The following CDH8 variants were observed in gnomAD, a reference collection of about 807,000 sequenced individuals.
The protein encoded by CDH8 is cadherin 8, also known as cadherin-8.
Under a neutral mutation model 68.1 loss-of-function variants are expected in CDH8, and 17 were observed. The ratio of observed to expected loss-of-function variants is 0.25; its 90% CI spans 0.17 to 0.37. The LOEUF is 0.37. CDH8 is among the 10% of genes least tolerant of loss of function. The pLI, the probability that CDH8 is intolerant of heterozygous loss-of-function variation, is 1.00. For missense variants in CDH8, 763 were observed against 999.3 expected (o/e 0.76, Z 3.19); for synonymous variants, 372 against 365.1 (o/e 1.02, Z -0.21).
intron 10 of CDH8, among the ~76,000 whole-genome samples, chr16:61,659,113 C>G (rs1407760461): frequency 2.6e-5 from 4 of 152,132 alleles, no homozygotes; most frequent in Non-Finnish European, 5.9e-5. Flanking sequence ...AAAAGCGAAT[C>G]TTATTAGAGA....
At chr16:61,659,899 G>A (rs565600417) in intron 10 of CDH8, among the ~76,000 whole-genome samples, 2 of 152,262 alleles carry the variant, frequency 1.3e-5, no homozygotes, top group Admixed American at 1.3e-4. Flanking sequence ...GAATGGACTG[G>A]TCTGTAGAGT....
chr16:61,780,986 G>A (rs1961036301), intron 8 of CDH8, among the ~76,000 whole-genome samples: 1 of 152,170 alleles, frequency 6.6e-6, no homozygotes, highest in Admixed American at 6.5e-5. Context: ...AACAAAGACA[G>A]ATTTTTAAGT....
At chr16:61,831,288 A>G (rs1461064173) in intron 4 of CDH8, among the ~76,000 whole-genome samples, 1 of 151,818 alleles carries the variant, frequency 6.6e-6, no homozygotes, top group African/African-American at 2.4e-5. Flanking sequence ...GGAGTAGAAG[A>G]TTAAGGGGTG....
At chr16:61,782,284 A>G (rs1316358404) in intron 8 of CDH8, among the ~76,000 whole-genome samples, 1 of 152,188 alleles carries the variant, frequency 6.6e-6, no homozygotes, top group African/African-American at 2.4e-5. Context: ...TGGGAAGCAC[A>G]AGGGGTCAGG....
chr16:61,960,065 A>ATGTG (rs1965082195), intron 2 of CDH8, among the ~76,000 whole-genome samples: 20 of 102,870 alleles, frequency 1.9e-4, no homozygotes, highest in African/African-American at 7.2e-4. Context: ...GTGTGTGTGT[A>ATGTG]TACACATACA....
intron 1 of CDH8, among the ~76,000 whole-genome samples, chr16:62,024,870 C>G (rs976770081): frequency 2.6e-5 from 4 of 152,166 alleles, no homozygotes; most frequent in African/African-American, 9.7e-5. Flanking sequence ...TTGAACAAGA[C>G]CGTTCCTCTC....
intron 2 of CDH8, among the ~76,000 whole-genome samples, chr16:61,972,574 GTGTGTGTGT>G (rs1567551785): frequency 2.9e-4 from 31 of 107,304 alleles, no homozygotes; most frequent in East Asian, 6.0e-4. Context: ...CATTGTGGGT[GTGTGTGTGT>G]GTGTGTGTGT....
chr16:62,000,102 G>T (rs1357310432), intron 2 of CDH8, among the ~76,000 whole-genome samples: 1 of 152,006 alleles, frequency 6.6e-6, no homozygotes. Context: ...GAGAATGATG[G>T]TTTCTATCTT....
At chr16:61,733,555 A>T (rs1347926301) in intron 8 of CDH8, among the ~76,000 whole-genome samples, 1 of 152,076 alleles carries the variant, frequency 6.6e-6, no homozygotes, top group Non-Finnish European at 1.5e-5. Context: ...AAAGACACTG[A>T]CAGAATAGAG....
chr16:61,769,237 G>A (rs1442073240), intron 8 of CDH8, among the ~76,000 whole-genome samples: 1 of 151,680 alleles, frequency 6.6e-6, no homozygotes, highest in African/African-American at 2.4e-5. Context: ...AAAGATCCCT[G>A]GACCACTCTT....
Position 62,021,232 on chromosome 16 carries a change from G to A in CDH8, c.172C>T (p.Arg58Cys), listed in dbSNP as rs1567571962. 1 of 1,613,938 alleles carries A rather than the reference G, an allele frequency of 6.2e-7. No homozygotes were observed. Among genetic ancestry groups the A allele is most frequent in the Non-Finnish European group, 8.5e-7 (1 of 1,179,940 alleles). The change falls in exon 2 of 12, where the codon CGC (arginine) becomes TGC (cysteine). Residue 58 changes from arginine (R) to cysteine (C), a missense_variant. Transcript: ENST00000577390. ...SLGEEQRILN[R>C]SKRGWVWNQM... ...TTCCAAACCCAGCCTCTTTTGGAGC[G>A]GTTCAAAATTCGCTGTTCTTCACCC...
intron 10 of CDH8, among the ~76,000 whole-genome samples, chr16:61,657,683 T>C (rs1963474517): frequency 6.6e-6 from 1 of 152,132 alleles, no homozygotes; most frequent in Non-Finnish European, 1.5e-5. Flanking sequence ...TTATACATGA[T>C]AGTTCAAAAC....
intron 8 of CDH8, among the ~76,000 whole-genome samples, chr16:61,743,763 C>G (rs1460226621): frequency 2.0e-5 from 3 of 152,050 alleles, no homozygotes; most frequent in Admixed American, 6.6e-5. Flanking sequence ...TTCAGCACTT[C>G]TTCTTTTCTA....
intron 9 of CDH8, chr16:61,725,538 T>A (rs754604917): frequency 2.0e-5 from 3 of 150,896 alleles, no homozygotes; most frequent in Non-Finnish European, 3.0e-5. Flanking sequence ...CTACATTATC[T>A]CAGCAATGAT....
At chr16:61,951,489 G>C (rs1207852825) in intron 2 of CDH8, among the ~76,000 whole-genome samples, 1 of 142,846 alleles carries the variant, frequency 7.0e-6, no homozygotes, top group Non-Finnish European at 1.5e-5. Flanking sequence ...CTCCAGCCTG[G>C]GCAACAGAGT....
chr16:61,843,375 C>T (rs985368673), intron 4 of CDH8, among the ~76,000 whole-genome samples: 4 of 152,252 alleles, frequency 2.6e-5, no homozygotes, highest in Admixed American at 1.3e-4. Flanking sequence ...GTATGGGTCG[C>T]TTTAAATATC....
chr16:61,801,131 C>T (rs547963327), intron 7 of CDH8, among the ~76,000 whole-genome samples: 4 of 152,184 alleles, frequency 2.6e-5, no homozygotes, highest in Non-Finnish European at 5.9e-5. Flanking sequence ...ATTTTAAACC[C>T]TAGATCAGCA....
rs146747076 is a variant in CDH8 at position 61,918,015 on chromosome 16, A to T, written c.253-16542T>A. ...CGTACTGACATTTGTACTGATGTAC[A>T]TGTAATGATGGGTACAACTGCTGCC... is the stretch of plus-strand genomic sequence containing the variant. On this transcript the variant is annotated intron_variant, in intron 2 of 11. Transcript: ENST00000577390. Among the ~76,000 whole-genome samples, 777 of 144,498 alleles carry T rather than the reference A, an allele frequency of 5.4e-3. 6 individuals carry two copies. The highest frequency in any genetic ancestry group is 9.5e-3 in the Non-Finnish European group (635 of 66,786). 94.8% of individuals were successfully genotyped at this position (144,498 alleles called of 152,430 possible). A position where few individuals can be genotyped will look rare whatever the true frequency, so the allele number is the denominator to read the frequency against.
At chr16:61,856,210 C>A (rs1264689216) in intron 4 of CDH8, among the ~76,000 whole-genome samples, 2 of 151,854 alleles carry the variant, frequency 1.3e-5, no homozygotes, top group African/African-American at 4.8e-5. Context: ...TGTATATGTG[C>A]CTGTACATTG....
Sources: allele counts gnomAD v4.1 joint callset (sites outside exome capture counted in the v4.1 genomes callset), GRCh38; gene constraint gnomAD v4.1.1; transcripts MANE v1.5; gene names NCBI Gene and HGNC (gene_info 2026-07-23, HGNC 2026-07-21).